Variants in MAP3K20 observed in about 807,000 individuals in gnomAD.
MAP3K20 encodes the protein HCCS-4.
In MAP3K20, 40 loss-of-function variants were observed where a neutral mutation model predicts 85.7. The observed-to-expected ratio is 0.47, with a 90% CI of 0.36 to 0.61. The LOEUF (loss-of-function observed/expected upper bound fraction) is 0.61. MAP3K20 is among the 20% of genes least tolerant of loss of function. The pLI is 0.00. For synonymous variants in MAP3K20, 325 were observed against 327.7 expected (o/e 0.99, Z 0.09); for missense variants, 817 against 961.7 (o/e 0.85, Z 1.99).
intron 7 of MAP3K20, among the ~76,000 whole-genome samples, chr2:173,191,627 A>C (rs1690653559): frequency 6.6e-6 from 1 of 152,232 alleles, no homozygotes; most frequent in Admixed American, 6.5e-5. Context: ...TTGAGTCTCA[A>C]CTATTAAACT....
At chr2:173,178,026 C>G (rs1690215128) in intron 3 of MAP3K20, among the ~76,000 whole-genome samples, 1 of 151,958 alleles carries the variant, frequency 6.6e-6, no homozygotes, top group Non-Finnish European at 1.5e-5. Context: ...TAGCAAAAAT[C>G]AGTTTATTAG....
At chr2:173,136,101 G>A (rs923322035) in intron 2 of MAP3K20, among the ~76,000 whole-genome samples, 2 of 152,158 alleles carry the variant, frequency 1.3e-5, no homozygotes, top group African/African-American at 2.4e-5. Flanking sequence ...CAACATCAAT[G>A]CTAAAATTAG....
intron 7 of MAP3K20, among the ~76,000 whole-genome samples, chr2:173,192,086 CTATTATACTGCCCTGCTG>C (rs769554792): frequency 0.037 from 4,274 of 114,038 alleles, 92 homozygotes; most frequent in South Asian, 0.073. Context: ...GCTATTTATA[CTATTATACTGCCCTGCTG>C]TTTATACTAT....
chr2:173,219,473 A>C (rs1426914686), intron 11 of MAP3K20, among the ~76,000 whole-genome samples: 2 of 152,180 alleles, frequency 1.3e-5, no homozygotes, highest in African/African-American at 4.8e-5. Context: ...ATTTATAGAG[A>C]TCTTTAGAGT....
At chr2:173,110,221 ATATATATATATATATATATATTTTTTTT>A (rs1250511404) in intron 2 of MAP3K20, among the ~76,000 whole-genome samples, 9 of 7,734 alleles carry the variant, frequency 1.2e-3, no homozygotes, top group African/African-American at 3.6e-3. Context: ...ATATATATAT[ATATATATATATATATATATATTTTTTTT>A]TTTTTTTTTT....
chr2:173,119,560 G>A (rs1688220001), intron 2 of MAP3K20, among the ~76,000 whole-genome samples: 1 of 152,204 alleles, frequency 6.6e-6, no homozygotes, highest in African/African-American at 2.4e-5. Context: ...CAGAGGAAAA[G>A]TATTTACAGG....
chr2:173,194,746 T>A (rs187504069), intron 7 of MAP3K20, among the ~76,000 whole-genome samples: 1 of 139,320 alleles, frequency 7.2e-6, no homozygotes, highest in Non-Finnish European at 1.6e-5. Flanking sequence ...TACAGATGAA[T>A]AAGACCATTA....
Position 173,232,199 on chromosome 2 carries a change from G to A in MAP3K20, c.1040G>A (p.Trp347Ter), listed in dbSNP as rs1377653527. ...GAWTEDDVYC[W>*]VQQLVRKGDS... Reference sequence around the variant, plus strand: ...GTGTCCTCTCTTTCACAGTATTGTTGGGTTCAGCAGCTCGTCAGAAAAGGC... The same window carrying A: ...GTGTCCTCTCTTTCACAGTATTGTTAGGTTCAGCAGCTCGTCAGAAAAGGC... The change falls in exon 13 of 20, where the codon TGG becomes TAG. Residue 347 changes from tryptophan (W) to a stop codon, truncating the protein, a stop_gained. Transcript: ENST00000375213. LOFTEE classifies it high-confidence loss of function. The A allele has an allele frequency of 6.2e-7, 1 of 1,614,164 alleles. No homozygotes were observed. The highest frequency in any genetic ancestry group is 8.5e-7 in the Non-Finnish European group (1 of 1,180,022).
At chr2:173,133,341 C>A (rs1688670918) in intron 2 of MAP3K20, among the ~76,000 whole-genome samples, 1 of 152,100 alleles carries the variant, frequency 6.6e-6, no homozygotes, top group Admixed American at 6.5e-5. Flanking sequence ...ACACTAAGTT[C>A]TTGGAAGAAG....
chr2:173,076,941 T>C (rs1686880183), intron 1 of MAP3K20, among the ~76,000 whole-genome samples: 1 of 152,260 alleles, frequency 6.6e-6, no homozygotes, highest in Admixed American at 6.5e-5. Flanking sequence ...TTTTAAAAAG[T>C]TATCTCTGTT....
At chr2:173,137,688 A>C (rs1688835986) in intron 2 of MAP3K20, among the ~76,000 whole-genome samples, 1 of 152,208 alleles carries the variant, frequency 6.6e-6, no homozygotes, top group Non-Finnish European at 1.5e-5. Context: ...CCCAAAAAAG[A>C]AAAGGGAATC....
intron 5 of MAP3K20, among the ~76,000 whole-genome samples, chr2:173,187,978 T>A (rs560996909): frequency 1.3e-5 from 2 of 152,326 alleles, no homozygotes; most frequent in South Asian, 4.1e-4. Flanking sequence ...AAGTATGCAG[T>A]CATATATTTT....
At chr2:173,217,020 T>G in intron 10 of MAP3K20, 95 bp from the exon 11 acceptor site, 1 of 1,222,996 alleles carries the variant, frequency 8.2e-7, no homozygotes, top group Non-Finnish European at 1.1e-6. Flanking sequence ...AGCACCAGCA[T>G]GTGTCTTTTA....
chr2:173,266,996 AT>A lies in MAP3K20; in HGVS notation c.*251del. 1 of 316,460 alleles carries A rather than the reference AT, an allele frequency of 3.2e-6. No homozygotes were observed. The highest frequency in any genetic ancestry group is 5.7e-6 in the Non-Finnish European group (1 of 174,578). The allele number at this position is 316,460 out of a possible 1,614,324, so 19.6% of individuals were successfully genotyped here. A position where few individuals can be genotyped will look rare whatever the true frequency, so the allele number is the denominator to read the frequency against. ...CACATATTTTCTGCCTTGAGTGAACATTTTTAGAGGAAAGGTTATGCCATCT... is the reference window on the plus strand; with the variant it reads ...CACATATTTTCTGCCTTGAGTGAACATTTTAGAGGAAAGGTTATGCCATCT... On this transcript the variant is annotated 3_prime_UTR_variant, in exon 20 of 20. Transcript: ENST00000375213.
At chr2:173,204,172 T>C (rs1478891205) in intron 9 of MAP3K20, among the ~76,000 whole-genome samples, 1 of 152,228 alleles carries the variant, frequency 6.6e-6, no homozygotes, top group East Asian at 1.9e-4. Context: ...TTGAGATGGC[T>C]AAGACACAGT....
At chr2:173,142,513 A>G (rs539857786) in intron 2 of MAP3K20, among the ~76,000 whole-genome samples, 1 of 152,162 alleles carries the variant, frequency 6.6e-6, no homozygotes, top group South Asian at 2.1e-4. Context: ...ACAATGACAC[A>G]AAGGATGGGG....
intron 2 of MAP3K20, among the ~76,000 whole-genome samples, chr2:173,128,965 C>T (rs1688528893): frequency 7.6e-6 from 1 of 132,236 alleles, no homozygotes; most frequent in Non-Finnish European, 1.6e-5. Context: ...CTCTTGTTGC[C>T]CAGGCTAGAG....
At chr2:173,110,508 T>G (rs1374073806) in intron 2 of MAP3K20, among the ~76,000 whole-genome samples, 1 of 151,824 alleles carries the variant, frequency 6.6e-6, no homozygotes, top group Admixed American at 6.6e-5. Context: ...TTGTGAGATT[T>G]GGGTGCCTCA....
chr2:173,164,958 TAAAGG>T (rs1202481258), intron 2 of MAP3K20, among the ~76,000 whole-genome samples: 2 of 151,846 alleles, frequency 1.3e-5, no homozygotes, highest in Admixed American at 6.6e-5. Flanking sequence ...ATTTTTCTGA[TAAAGG>T]AAAGAGGAAA....
Sources: gnomAD v4.1 joint callset for allele counts (sites outside exome capture counted in the v4.1 genomes callset) on GRCh38, gnomAD v4.1.1 for gene constraint, MANE v1.5 for transcripts, NCBI Gene and HGNC (gene_info 2026-07-23, HGNC 2026-07-21) for gene names.